TMEM163: variants seen among roughly 807,000 people sequenced by gnomAD.
TMEM163 encodes transmembrane protein 163.
A neutral mutation model predicts 29.3 loss-of-function variants in TMEM163; 17 were observed. The observed-to-expected ratio is 0.58, with a 90% CI of 0.40 to 0.87. The LOEUF is 0.87. TMEM163 is among the 40% of genes least tolerant of loss of function. The pLI is 0.00. For missense variants in TMEM163, 303 were observed against 381.5 expected (o/e 0.79, Z 1.71); for synonymous variants, 157 against 160.6 (o/e 0.98, Z 0.17).
intron 4 of TMEM163, among the ~76,000 whole-genome samples, chr2:134,518,236 T>A (rs79813681): frequency 0.016 from 2,500 of 152,336 alleles, 77 homozygotes; most frequent in Middle Eastern, 0.14. Context: ...CTTAGAGCTT[T>A]CACCTAGAAG....
At chr2:134,709,000 T>C (rs1168176780) in intron 2 of TMEM163, among the ~76,000 whole-genome samples, 5 of 152,212 alleles carry the variant, frequency 3.3e-5, no homozygotes, top group Admixed American at 3.3e-4. Context: ...TTCAAATATG[T>C]CTTCATTTCC....
rs57814120 is a variant in TMEM163, at chr2:134,514,405, TTTAA to T, written c.459-11412_459-11409del. 2.7e-3 allele frequency among the ~76,000 whole-genome samples: 253 copies of T among 92,982 alleles called. 1 individual carries two copies. Among genetic ancestry groups the T allele is most frequent in the Middle Eastern group, 6.7e-3 (1 of 150 alleles). The allele number at this position is 92,982 out of a possible 152,430, so 61.0% of individuals were successfully genotyped here. A position where few individuals can be genotyped will look rare whatever the true frequency, so the allele number is the denominator to read the frequency against. On this transcript the variant is annotated intron_variant, in intron 4 of 7. Transcript: ENST00000281924. ...GATCTTTTTTTTTTTTTTTTTTTTTTTTAAAAAAAGAGGTCTGTACATCAATCTT... is the reference window on the plus strand; with the variant it reads ...GATCTTTTTTTTTTTTTTTTTTTTTTAAAAAGAGGTCTGTACATCAATCTT...
chr2:134,664,739 TG>T (rs1170494370), intron 2 of TMEM163, among the ~76,000 whole-genome samples: 14 of 152,186 alleles, frequency 9.2e-5, no homozygotes, highest in Admixed American at 3.9e-4. Context: ...GGGCAACGAA[TG>T]GCGGATTCTC....
At chr2:134,496,040 T>C (rs987321299) in intron 5 of TMEM163, among the ~76,000 whole-genome samples, 4 of 151,726 alleles carry the variant, frequency 2.6e-5, no homozygotes, top group Admixed American at 2.6e-4. Flanking sequence ...TTTGTTGTAA[T>C]TTCACAAAAT....
chr2:134,493,575 C>G (rs909424813), intron 5 of TMEM163, among the ~76,000 whole-genome samples: 3 of 151,852 alleles, frequency 2.0e-5, no homozygotes, highest in African/African-American at 7.3e-5. Context: ...GGTTTCACCA[C>G]GTTGGCCAGG....
chr2:134,695,542 G>T (rs1684560632), intron 2 of TMEM163, among the ~76,000 whole-genome samples: 2 of 151,886 alleles, frequency 1.3e-5, no homozygotes. Flanking sequence ...TAGTTTTCTT[G>T]AACTAGAAAG....
chr2:134,562,246 A>G (rs139552914), intron 2 of TMEM163, among the ~76,000 whole-genome samples: 39 of 152,344 alleles, frequency 2.6e-4, no homozygotes, highest in African/African-American at 9.4e-4. Flanking sequence ...AGCAGCACAC[A>G]AAAGCGTGAA....
intron 5 of TMEM163, among the ~76,000 whole-genome samples, chr2:134,481,261 C>G (rs531370613): frequency 9.9e-4 from 150 of 152,188 alleles, no homozygotes; most frequent in African/African-American, 3.5e-3. Flanking sequence ...TAAATGCTTC[C>G]CATCGACACC....
At chr2:134,713,749 T>A (rs1291242735) in intron 1 of TMEM163, 2 of 452,406 alleles carry the variant, frequency 4.4e-6, no homozygotes, top group Non-Finnish European at 8.9e-6. Flanking sequence ...GCTGTGAGCA[T>A]TGATTCACCA....
At chr2:134,533,360 T>TGTGTGTGTAC (rs139961822) in intron 4 of TMEM163, among the ~76,000 whole-genome samples, 3 of 152,242 alleles carry the variant, frequency 2.0e-5, no homozygotes, top group African/African-American at 7.2e-5. Flanking sequence ...TGTTTGTGTG[T>TGTGTGTGTAC]GTGCACGTGC....
intron 1 of TMEM163, 135 bp from the exon 2 acceptor site, chr2:134,713,454 T>A: frequency 7.9e-7 from 1 of 1,258,048 alleles, no homozygotes; most frequent in South Asian, 1.2e-5. Context: ...GCCCACACTG[T>A]GTTTTAACAA....
chr2:134,671,952 C>G (rs1040875823), intron 2 of TMEM163, among the ~76,000 whole-genome samples: 3 of 152,300 alleles, frequency 2.0e-5, no homozygotes, highest in African/African-American at 7.2e-5. Context: ...GTGCTCAGAG[C>G]CTAGCCTGGC....
Position 134,597,288 on chromosome 2 carries a change from A to G in TMEM163, c.323-45197T>C, listed in dbSNP as rs538524163. 1.2e-3 allele frequency among the ~76,000 whole-genome samples: 185 copies of G among 152,292 alleles called. 1 individual carries two copies. Among genetic ancestry groups the G allele is most frequent in the African/African-American group, 4.4e-3 (181 of 41,556 alleles). ...CTCTTATTATTTTGAGATACGTCCT[A>G]TCAATACCTAATTTATTGAGAGTTT... On this transcript the variant is annotated intron_variant, in intron 2 of 7. Coordinates refer to ENST00000281924, the MANE Select transcript of TMEM163 (RefSeq NM_030923.5).
intron 5 of TMEM163, among the ~76,000 whole-genome samples, chr2:134,491,385 G>A (rs1302392414): frequency 6.6e-6 from 1 of 152,126 alleles, no homozygotes; most frequent in Non-Finnish European, 1.5e-5. Context: ...CCCCATTCAG[G>A]AGAGTGTGGA....
chr2:134,486,901 G>A (rs943455784), intron 5 of TMEM163, among the ~76,000 whole-genome samples: 16 of 152,172 alleles, frequency 1.1e-4, no homozygotes. Context: ...TGCCTTATTA[G>A]AATATCAATT....
Position 134,560,397 on chromosome 2 carries a change from C to A in TMEM163, c.323-8306G>T, listed in dbSNP as rs138868193. Among the ~76,000 whole-genome samples the A allele has an allele frequency of 1.8e-3, 278 of 152,298 alleles. 2 individuals are homozygous for A. The highest frequency in any genetic ancestry group is 6.3e-3 in the African/African-American group (261 of 41,560). Reference sequence around the variant, plus strand: ...AACATGGAAAACTTTCAGATGGATTCATTAACACCTTCCCCTTAGCTCCAG... The same window carrying A: ...AACATGGAAAACTTTCAGATGGATTAATTAACACCTTCCCCTTAGCTCCAG... On this transcript the variant is annotated intron_variant, in intron 2 of 7. Transcript: ENST00000281924.
At chr2:134,656,898 A>G (rs1244830998) in intron 2 of TMEM163, among the ~76,000 whole-genome samples, 1 of 152,158 alleles carries the variant, frequency 6.6e-6, no homozygotes, top group African/African-American at 2.4e-5. Context: ...AATCATATTT[A>G]TTGATTTGCA....
chr2:134,700,941 A>AATAAATAAATAC (rs371684167), intron 2 of TMEM163, among the ~76,000 whole-genome samples: 4 of 146,368 alleles, frequency 2.7e-5, no homozygotes, highest in African/African-American at 1.0e-4. Flanking sequence ...TAAATAAATA[A>AATAAATAAATAC]ATAAATAAAG....
chr2:134,561,380 ATTT>A (rs374778206), intron 2 of TMEM163, among the ~76,000 whole-genome samples: 1 of 136,314 alleles, frequency 7.3e-6, no homozygotes, highest in Non-Finnish European at 1.6e-5. Flanking sequence ...ATTTTTTTGT[ATTT>A]TTTTTTAGTG....
Sources: gnomAD v4.1 joint callset for allele counts (sites outside exome capture counted in the v4.1 genomes callset) on GRCh38, gnomAD v4.1.1 for gene constraint, MANE v1.5 for transcripts, NCBI Gene and HGNC (gene_info 2026-07-23, HGNC 2026-07-21) for gene names.